The following DLGAP2 variants were observed in gnomAD, a reference collection of about 807,000 sequenced individuals.
DLGAP2 encodes DLG associated protein 2, also known as disks large-associated protein 2.
DLGAP2 carries 26 observed loss-of-function variants against 100.3 expected under a neutral mutation model. The ratio of observed to expected loss-of-function variants is 0.26; its 90% CI spans 0.19 to 0.36. The LOEUF (loss-of-function observed/expected upper bound fraction) is 0.36. DLGAP2 is among the 10% of genes least tolerant of loss of function. The pLI is 1.00. For synonymous variants in DLGAP2, 886 were observed against 630.1 expected (o/e 1.41, Z -6.08); for missense variants, 1,858 against 1,453.2 (o/e 1.28, Z -4.53).
At chr8:984,683 A>C (rs548256408) in intron 2 of DLGAP2, among the ~76,000 whole-genome samples, 1 of 152,370 alleles carries the variant, frequency 6.6e-6, no homozygotes, top group East Asian at 1.9e-4. Flanking sequence ...ACTTAAAGAC[A>C]GGACGTGATT....
intron 1 of DLGAP2, among the ~76,000 whole-genome samples, chr8:882,737 T>G (rs1228640440): frequency 1.4e-5 from 2 of 143,748 alleles, no homozygotes; most frequent in African/African-American, 5.2e-5. Context: ...GCGCGCACCC[T>G]CGCCTGATCC....
At chr8:1,685,021 G>T (rs1799078597) in intron 12 of DLGAP2, among the ~76,000 whole-genome samples, 1 of 152,124 alleles carries the variant, frequency 6.6e-6, no homozygotes, top group South Asian at 2.1e-4. Context: ...GGAACATAGG[G>T]ATTTGCTCAC....
intron 2 of DLGAP2, among the ~76,000 whole-genome samples, chr8:1,092,362 C>T (rs370351061): frequency 1.3e-5 from 2 of 152,210 alleles, no homozygotes; most frequent in Non-Finnish European, 2.9e-5. Context: ...GCGTAGGGTC[C>T]GCCTGGCACC....
At chr8:883,790 C>G (rs548421057) in intron 1 of DLGAP2, among the ~76,000 whole-genome samples, 1 of 152,180 alleles carries the variant, frequency 6.6e-6, no homozygotes, top group Non-Finnish European at 1.5e-5. Flanking sequence ...TTCCTCCCCC[C>G]ACTCCCTAAC....
intron 2 of DLGAP2, among the ~76,000 whole-genome samples, chr8:1,076,234 C>A (rs923759501): frequency 2.6e-5 from 4 of 152,180 alleles, no homozygotes; most frequent in African/African-American, 7.2e-5. Context: ...GCCTTCCTGC[C>A]TGTGAAGGAA....
chr8:990,323 C>G (rs1456149860), intron 2 of DLGAP2, among the ~76,000 whole-genome samples: 1 of 146,164 alleles, frequency 6.8e-6, no homozygotes, highest in African/African-American at 2.6e-5. Context: ...CCCCTGCACC[C>G]CCATACTCGG....
At chr8:1,157,642 C>G (rs931293545) in intron 2 of DLGAP2, among the ~76,000 whole-genome samples, 1 of 152,102 alleles carries the variant, frequency 6.6e-6, no homozygotes, top group Admixed American at 6.5e-5. Context: ...TCCTCTTTGG[C>G]AAATGTACTG....
intron 1 of DLGAP2, among the ~76,000 whole-genome samples, chr8:804,635 A>G (rs910035680): frequency 1.3e-5 from 2 of 152,224 alleles, no homozygotes; most frequent in African/African-American, 2.4e-5. Flanking sequence ...AGCATAAGAA[A>G]AAAGTTCATT....
In DLGAP2 at chr8:1,606,224, A is replaced by G. The variant is rs917537685; in HGVS notation, c.1443-20516A>G. 2.6e-5 allele frequency among the ~76,000 whole-genome samples: 4 copies of G among 152,212 alleles called. No individual in the cohort carries two copies. The South Asian group carries it at 6.2e-4, about 24-fold the overall frequency. Reference sequence around the variant, plus strand: ...ACTTTCAGATGACATAAAGCTAAATAGAGTGCTCTTCGTATCTTATTTTCC... The same window carrying G: ...ACTTTCAGATGACATAAAGCTAAATGGAGTGCTCTTCGTATCTTATTTTCC... On this transcript the variant is annotated intron_variant, in intron 6 of 14. Transcript: ENST00000637795.
intron 1 of DLGAP2, among the ~76,000 whole-genome samples, chr8:846,231 C>G (rs1797069364): frequency 6.6e-6 from 1 of 152,216 alleles, no homozygotes; most frequent in South Asian, 2.1e-4. Flanking sequence ...ACCACCAGAA[C>G]TTAGTCTTCC....
chr8:1,422,795 A>T (rs935476832), intron 3 of DLGAP2, among the ~76,000 whole-genome samples: 1 of 152,110 alleles, frequency 6.6e-6, no homozygotes. Flanking sequence ...GGCTGAGGGC[A>T]TGGGAGTGTT....
chr8:883,864 C>T lies in DLGAP2; in HGVS notation c.19-24048C>T, dbSNP rs572177073. Reference sequence around the variant, plus strand: ...GTCATTGTGTTCTCATTGTTCATCTCCCACTTATGAGTGAGAACATGTGGT... The same window carrying T: ...GTCATTGTGTTCTCATTGTTCATCTTCCACTTATGAGTGAGAACATGTGGT... On this transcript the variant is annotated intron_variant, in intron 1 of 14. Transcript: ENST00000637795. Among the ~76,000 whole-genome samples the T allele has an allele frequency of 3.3e-5, 5 of 152,328 alleles. No homozygotes were observed. The South Asian group carries it at 1.0e-3, about 32-fold the overall frequency.
intron 2 of DLGAP2, among the ~76,000 whole-genome samples, chr8:1,051,775 A>G (rs1194452691): frequency 6.6e-6 from 1 of 151,974 alleles, no homozygotes; most frequent in Non-Finnish European, 1.5e-5. Flanking sequence ...CCTCTGTCTC[A>G]TGCCTGCTCA....
chr8:1,566,736 G>A (rs1802417846), intron 6 of DLGAP2, among the ~76,000 whole-genome samples: 1 of 152,232 alleles, frequency 6.6e-6, no homozygotes. Context: ...CACGCCGAGT[G>A]CACCCAGTGA....
chr8:1,452,536 C>T (rs995357747), intron 3 of DLGAP2, among the ~76,000 whole-genome samples: 24 of 152,156 alleles, frequency 1.6e-4, no homozygotes, highest in African/African-American at 3.9e-4. Context: ...CTGGGCGCTC[C>T]GGGGAGAGCT....
intron 3 of DLGAP2, chr8:1,301,457 TAATG>T (rs1373289887): frequency 1.8e-4 from 28 of 151,424 alleles, no homozygotes; most frequent in African/African-American, 6.5e-4. Context: ...TTTTTTTTCT[TAATG>T]AAGTTTTTTT....
intron 5 of DLGAP2, among the ~76,000 whole-genome samples, chr8:1,553,546 A>G (rs1801854457): frequency 9.4e-6 from 1 of 106,272 alleles, no homozygotes; most frequent in South Asian, 3.2e-4. Flanking sequence ...TTACATGTTC[A>G]CGTGTTGGAA....
At chr8:1,349,507 G>A (rs1431201921) in intron 3 of DLGAP2, among the ~76,000 whole-genome samples, 1 of 149,782 alleles carries the variant, frequency 6.7e-6, no homozygotes, top group Non-Finnish European at 1.5e-5. Context: ...CACACAGGTA[G>A]AAAGGGGTGT....
intron 2 of DLGAP2, among the ~76,000 whole-genome samples, chr8:1,174,447 C>T (rs942477333): frequency 6.6e-6 from 1 of 151,420 alleles, no homozygotes; most frequent in Non-Finnish European, 1.5e-5. Context: ...ATTGCCATCA[C>T]CAAAATCATT....
Sources: gnomAD v4.1 joint callset for allele counts (sites outside exome capture counted in the v4.1 genomes callset) on GRCh38, gnomAD v4.1.1 for gene constraint, MANE v1.5 for transcripts, NCBI Gene and HGNC (gene_info 2026-07-23, HGNC 2026-07-21) for gene names.